Variants in CACNA2D1 observed in about 807,000 individuals in gnomAD.
The protein encoded by CACNA2D1 is voltage-dependent calcium channel subunit alpha-2/delta-1.
Under a neutral mutation model 171.5 loss-of-function variants are expected in CACNA2D1, and 53 were observed. The observed-to-expected ratio is 0.31, with a 90% CI of 0.25 to 0.39. CACNA2D1 has a LOEUF of 0.39. CACNA2D1 is among the 10% of genes least tolerant of loss of function. The pLI, the probability that CACNA2D1 is intolerant of heterozygous loss-of-function variation, is 1.00. For missense variants in CACNA2D1, 903 were observed against 1,299.8 expected (o/e 0.69, Z 4.69); for synonymous variants, 442 against 443.1 (o/e 1.00, Z 0.03).
intron 3 of CACNA2D1, among the ~76,000 whole-genome samples, chr7:82,176,212 AG>A (rs1454977622): frequency 7.2e-5 from 11 of 152,178 alleles, no homozygotes; most frequent in African/African-American, 2.6e-4. Flanking sequence ...TTATGCTGAT[AG>A]GAAGTCTTGA....
rs1792214875 is a variant in CACNA2D1, at chr7:81,948,426, T to G, written c.*1966A>C. ...CTGATGTCAACTCTTAGAACAATAG[T>G]TGGCAAAGTGATTCCATTTCCCCCC... is the stretch of plus-strand genomic sequence containing the variant. On this transcript the variant is annotated 3_prime_UTR_variant, in exon 39 of 39. Coordinates refer to ENST00000356860, the MANE Select transcript of CACNA2D1 (RefSeq NM_000722.4). The G allele has an allele frequency of 6.6e-6, 1 of 151,610 alleles. No homozygotes were observed. The highest frequency in any genetic ancestry group is 1.5e-5 in the Non-Finnish European group (1 of 67,728). The allele number at this position is 151,610 out of a possible 1,614,324, so 9.4% of individuals were successfully genotyped here. A position where few individuals can be genotyped will look rare whatever the true frequency, so the allele number is the denominator to read the frequency against.
chr7:82,160,332 T>G lies in CACNA2D1; in HGVS notation c.354+10218A>C, dbSNP rs114132269. Reference sequence around the variant, plus strand: ...ACATACTTAACAAAATCCAATCAAATTATGAAATTAAAAAGAAAAAAATTA... The same window carrying G: ...ACATACTTAACAAAATCCAATCAAAGTATGAAATTAAAAAGAAAAAAATTA... On this transcript the variant is annotated intron_variant, in intron 4 of 38. Transcript: ENST00000356860. 6.0e-3 allele frequency among the ~76,000 whole-genome samples: 906 copies of G among 151,798 alleles called. 8 individuals are homozygous for G. The highest frequency in any genetic ancestry group is 0.021 in the African/African-American group (857 of 41,408).
chr7:82,051,735 C>T (rs1315569035), intron 10 of CACNA2D1, among the ~76,000 whole-genome samples: 1 of 152,164 alleles, frequency 6.6e-6, no homozygotes, highest in African/African-American at 2.4e-5. Flanking sequence ...CAAACTCCCT[C>T]ACATTCATAA....
intron 4 of CACNA2D1, among the ~76,000 whole-genome samples, chr7:82,143,204 A>G (rs1469721670): frequency 6.6e-6 from 1 of 152,196 alleles, no homozygotes; most frequent in Non-Finnish European, 1.5e-5. Flanking sequence ...AAGAAAAAAT[A>G]AAGATGGACA....
At chr7:82,198,867 C>T (rs1053947122) in intron 3 of CACNA2D1, among the ~76,000 whole-genome samples, 9 of 151,910 alleles carry the variant, frequency 5.9e-5, no homozygotes, top group African/African-American at 2.2e-4. Flanking sequence ...TTTGAATTAC[C>T]CATAAGTATA....
chr7:82,002,377 T>A (rs1024829122), intron 18 of CACNA2D1, among the ~76,000 whole-genome samples: 2 of 152,178 alleles, frequency 1.3e-5, no homozygotes, highest in African/African-American at 2.4e-5. Context: ...TTCAGAACTG[T>A]GAGTTACTAA....
intron 3 of CACNA2D1, among the ~76,000 whole-genome samples, chr7:82,299,638 C>T (rs1042903579): frequency 3.0e-4 from 44 of 144,296 alleles, no homozygotes; most frequent in African/African-American, 1.0e-3. Context: ...CCAGCCTAGG[C>T]AACAGAGCAA....
At chr7:82,378,174 G>A (rs908210654) in intron 1 of CACNA2D1, among the ~76,000 whole-genome samples, 4 of 152,132 alleles carry the variant, frequency 2.6e-5, no homozygotes, top group Non-Finnish European at 4.4e-5. Flanking sequence ...AAGGCAAGAG[G>A]ACTGCTTGAG....
chr7:82,060,211 A>ATATTATATATATATT (rs374742133), intron 10 of CACNA2D1, among the ~76,000 whole-genome samples: 1 of 31,336 alleles, frequency 3.2e-5, no homozygotes, highest in African/African-American at 1.1e-4. Context: ...TTATATATAT[A>ATATTATATATATATT]ATATATATAT....
intron 6 of CACNA2D1, among the ~76,000 whole-genome samples, chr7:82,092,938 C>T (rs1004564295): frequency 6.6e-6 from 1 of 151,354 alleles, no homozygotes; most frequent in African/African-American, 2.4e-5. Context: ...AGCCGGAAGC[C>T]ATAGAAGAAT....
intron 34 of CACNA2D1, among the ~76,000 whole-genome samples, chr7:81,962,807 G>C (rs1025690328): frequency 4.6e-5 from 7 of 151,912 alleles, no homozygotes; most frequent in African/African-American, 1.2e-4. Flanking sequence ...TCAGCGCGTA[G>C]GTTTTCACAT....
At chr7:82,140,142 T>C (rs1286218493) in intron 4 of CACNA2D1, among the ~76,000 whole-genome samples, 2 of 152,044 alleles carry the variant, frequency 1.3e-5, no homozygotes, top group East Asian at 1.9e-4. Flanking sequence ...TTCATTTATA[T>C]GGTCAAAATA....
chr7:81,952,355 G>A lies in CACNA2D1; in HGVS notation c.3160-1847C>T, dbSNP rs190273093. On this transcript the variant is annotated intron_variant, in intron 38 of 38. Transcript: ENST00000356860. ...GTTCACCAGGATTTAATACAGTGCT[G>A]CCACACAGTAAATAAAATTATTTCT... Among the ~76,000 whole-genome samples the A allele has an allele frequency of 2.6e-5, 4 of 152,060 alleles. No homozygotes were observed. In the East Asian group the frequency reaches 7.8e-4, roughly 30 times the overall value.
intron 6 of CACNA2D1, among the ~76,000 whole-genome samples, chr7:82,114,760 G>GAAAAAAAAAA (rs34240770): frequency 3.9e-5 from 4 of 103,070 alleles, no homozygotes; most frequent in Admixed American, 1.1e-4. Flanking sequence ...CGTCCCAGAA[G>GAAAAAAAAAA]AAAAAAAAAA....
chr7:82,154,433 A>G (rs1794164550), intron 4 of CACNA2D1, among the ~76,000 whole-genome samples: 1 of 152,074 alleles, frequency 6.6e-6, no homozygotes, highest in Non-Finnish European at 1.5e-5. Context: ...AGTTGAACAC[A>G]TGGACACAGG....
intron 5 of CACNA2D1, among the ~76,000 whole-genome samples, chr7:82,117,696 G>A (rs1361512639): frequency 2.0e-5 from 3 of 152,074 alleles, no homozygotes; most frequent in African/African-American, 4.8e-5. Flanking sequence ...TCAAAAGATC[G>A]CTTGTGCATG....
intron 3 of CACNA2D1, among the ~76,000 whole-genome samples, chr7:82,224,245 T>C (rs1802100728): frequency 6.6e-6 from 1 of 152,142 alleles, no homozygotes; most frequent in South Asian, 2.1e-4. Context: ...AGGAGAACTG[T>C]AAAATCATGG....
chr7:82,196,311 A>T (rs1563187742), intron 3 of CACNA2D1, among the ~76,000 whole-genome samples: 1 of 152,040 alleles, frequency 6.6e-6, no homozygotes, highest in African/African-American at 2.4e-5. Flanking sequence ...CATGTTAACA[A>T]CCAGTTTACT....
At chr7:82,349,908 G>C (rs1441789962) in intron 1 of CACNA2D1, among the ~76,000 whole-genome samples, 1 of 152,172 alleles carries the variant, frequency 6.6e-6, no homozygotes, top group Non-Finnish European at 1.5e-5. Context: ...TGTCCAAGGA[G>C]AGTAAACAAT....
Sources: allele counts gnomAD v4.1 joint callset (sites outside exome capture counted in the v4.1 genomes callset), GRCh38; gene constraint gnomAD v4.1.1; transcripts MANE v1.5; gene names NCBI Gene and HGNC (gene_info 2026-07-23, HGNC 2026-07-21).